Variants in SPRY3 observed in about 807,000 individuals in gnomAD.
The protein encoded by SPRY3 is protein sprouty homolog 3.
A neutral mutation model predicts 20.2 loss-of-function variants in SPRY3; 15 were observed. That is an observed-to-expected ratio of 0.74 (90% CI 0.50 to 1.14). The LOEUF is 1.14. Among genes scored for constraint, SPRY3 ranks in the 50% most tolerant of loss-of-function variants. The pLI, the probability that SPRY3 is intolerant of heterozygous loss-of-function variation, is 0.00. For missense variants in SPRY3, 364 were observed against 363.9 expected, an observed-to-expected ratio of 1.00 and a Z score of 0.00; for synonymous variants, 143 against 136.5, an observed-to-expected ratio of 1.05 and a Z score of -0.33.
chrX:155,718,889 A>G (rs747515314), intron 2 of SPRY3, among the ~76,000 whole-genome samples: 1 of 152,334 alleles, frequency 6.6e-6, no homozygotes, highest in African/African-American at 2.4e-5. Context: ...AAAATAAGCA[A>G]TGAGGATTTC....
At chrX:155,666,869 T>C (rs923402382) in intron 2 of SPRY3, among the ~76,000 whole-genome samples, 15 of 110,251 alleles carry the variant, frequency 1.4e-4, no homozygotes, top group African/African-American at 4.0e-4. Flanking sequence ...GGAGGTTCAA[T>C]ATTTAATGGC....
intron 2 of SPRY3, among the ~76,000 whole-genome samples, chrX:155,725,525 A>G (rs1268957092): frequency 2.6e-5 from 4 of 152,154 alleles, no homozygotes; most frequent in Admixed American, 1.3e-4. Context: ...CAGAGATTCA[A>G]CTTCTTCCTG....
intron 1 of SPRY3, among the ~76,000 whole-genome samples, chrX:155,635,913 G>T (rs781993764): frequency 8.9e-6 from 1 of 112,031 alleles, no homozygotes; most frequent in South Asian, 3.7e-4. Flanking sequence ...TGGACTGACT[G>T]AACAATGGAT....
chrX:155,649,605 T>C (rs1265315713), intron 1 of SPRY3, among the ~76,000 whole-genome samples: 1 of 111,297 alleles, frequency 9.0e-6, no homozygotes, highest in Non-Finnish European at 1.9e-5. Flanking sequence ...AACTAGATAT[T>C]GATGGAACAT....
intron 1 of SPRY3, among the ~76,000 whole-genome samples, chrX:155,627,732 A>G (rs1480198292): frequency 9.1e-6 from 1 of 110,360 alleles, no homozygotes; most frequent in East Asian, 2.8e-4. Context: ...AATGTGTGCC[A>G]TGGTGGTTTG....
chrX:155,692,244 C>A (rs988246553), intron 2 of SPRY3, among the ~76,000 whole-genome samples: 8 of 110,694 alleles, frequency 7.2e-5, no homozygotes, highest in African/African-American at 2.6e-4. Context: ...CACTGTGAGG[C>A]AAAAGTCAAT....
chrX:155,728,027 T>C (rs748106347), intron 2 of SPRY3, among the ~76,000 whole-genome samples: 1 of 152,326 alleles, frequency 6.6e-6, no homozygotes, highest in African/African-American at 2.4e-5. Context: ...TTCTGTTTGT[T>C]AGTTTTCCTT....
chrX:155,644,077 C>T (rs2067950394), intron 1 of SPRY3, among the ~76,000 whole-genome samples: 2 of 111,012 alleles, frequency 1.8e-5, no homozygotes, highest in Admixed American at 1.9e-4. Context: ...GGATGAAATC[C>T]CTGAGCTTTT....
chrX:155,770,297 T>G (rs1156772989), intron 3 of SPRY3, among the ~76,000 whole-genome samples: 1 of 152,222 alleles, frequency 6.6e-6, no homozygotes, highest in Admixed American at 6.5e-5. Flanking sequence ...AACTTTATTC[T>G]CAACATGGCA....
chrX:155,780,449 C>G (rs1178029941), downstream of SPRY3: 2 of 166,982 alleles, frequency 1.2e-5, no homozygotes, highest in Non-Finnish European at 2.9e-5. Flanking sequence ...AGTCTTACCA[C>G]TCTGATAACA....
chrX:155,763,307 A>C (rs2091311644), intron 2 of SPRY3, among the ~76,000 whole-genome samples: 1 of 152,076 alleles, frequency 6.6e-6, no homozygotes, highest in African/African-American at 2.4e-5. Flanking sequence ...CCAACTTCTC[A>C]GTATGCAATG....
intron 1 of SPRY3, among the ~76,000 whole-genome samples, chrX:155,617,317 GA>G (rs34868682): frequency 1.8e-5 from 2 of 110,394 alleles, no homozygotes; most frequent in African/African-American, 6.6e-5. Flanking sequence ...ATTTAAGCAG[GA>G]AAAAAAGTTA....
chrX:155,773,307 G>GTTATATATATATAT (rs4013148), intron 3 of SPRY3, among the ~76,000 whole-genome samples: 8 of 120,722 alleles, frequency 6.6e-5, no homozygotes, highest in South Asian at 2.8e-4. Context: ...ATTTTGATTG[G>GTTATATATATATAT]ATATATATAT....
At chrX:155,758,530 C>T (rs1279692448) in intron 2 of SPRY3, among the ~76,000 whole-genome samples, 1 of 152,160 alleles carries the variant, frequency 6.6e-6, no homozygotes, top group African/African-American at 2.4e-5. Context: ...GTCACCACTG[C>T]TGAATCAGGA....
intron 2 of SPRY3, among the ~76,000 whole-genome samples, chrX:155,688,594 G>T (rs1307161779): frequency 9.0e-6 from 1 of 110,672 alleles, no homozygotes; most frequent in Non-Finnish European, 1.9e-5. Context: ...ATCTGACATG[G>T]TATTTCATTG....
intron 1 of SPRY3, among the ~76,000 whole-genome samples, chrX:155,618,800 T>C (rs1168377327): frequency 8.9e-6 from 1 of 111,887 alleles, no homozygotes; most frequent in Non-Finnish European, 1.9e-5. Context: ...ATGAATGATA[T>C]TGAACATATT....
At chrX:155,707,182 G>A (rs996397217) in intron 2 of SPRY3, among the ~76,000 whole-genome samples, 37 of 151,050 alleles carry the variant, frequency 2.4e-4, no homozygotes, top group African/African-American at 8.7e-4. Context: ...ATTTCGATAC[G>A]TTTTGTTGTC....
chrX:155,767,365 C>G (rs777120636), intron 2 of SPRY3, among the ~76,000 whole-genome samples: 1 of 152,056 alleles, frequency 6.6e-6, no homozygotes, highest in Non-Finnish European at 1.5e-5. Flanking sequence ...AACACACTGC[C>G]AACTCACTCC....
At chrX:155,707,517 C>G (rs886070440) in intron 2 of SPRY3, among the ~76,000 whole-genome samples, 2 of 151,166 alleles carry the variant, frequency 1.3e-5, no homozygotes, top group Non-Finnish European at 3.0e-5. Context: ...TTCTCTTCAT[C>G]TTTACTAATA....
Sources: allele counts gnomAD v4.1 joint callset (sites outside exome capture counted in the v4.1 genomes callset), GRCh38; gene constraint gnomAD v4.1.1; transcripts MANE v1.5; gene names NCBI Gene and HGNC (gene_info 2026-07-23, HGNC 2026-07-21).